Variants in DIP2B observed in about 807,000 individuals in gnomAD.
DIP2B encodes the protein DIP2 acetate--CoA ligase B (putative).
In DIP2B, 76 loss-of-function variants were observed where a neutral mutation model predicts 198.0. That is an observed-to-expected ratio of 0.38 (90% CI 0.32 to 0.46). The LOEUF (loss-of-function observed/expected upper bound fraction) is 0.46. Ranked by LOEUF, DIP2B falls within the 20% of genes least tolerant of loss-of-function variation. The pLI is 0.99. For missense variants in DIP2B, 1,559 were observed against 1,978.4 expected (o/e 0.79, Z 4.02); for synonymous variants, 701 against 739.1 (o/e 0.95, Z 0.84).
Position 50,695,892 on chromosome 12 carries a change from A to G in DIP2B, c.1858A>G (p.Met620Val). 1 of 1,614,148 alleles carries G rather than the reference A, an allele frequency of 6.2e-7. No individual in the cohort carries two copies. Among genetic ancestry groups the G allele is most frequent in the Non-Finnish European group, 8.5e-7 (1 of 1,179,968 alleles). ...VKCRDLHWAM[M>V]AHRDQRDVSL... The stretch of plus-strand genomic sequence containing the variant: ...ATGTCGGGACTTGCACTGGGCTATG[A>G]TGGCACATCGGGACCAAAGAGACGT... The change falls in exon 16 of 38, where the codon ATG becomes GTG. Residue 620 changes from methionine (M) to valine (V), a missense_variant. Transcript: ENST00000301180.
At chr12:50,614,586 T>C (rs537397900) in intron 1 of DIP2B, among the ~76,000 whole-genome samples, 1 of 152,338 alleles carries the variant, frequency 6.6e-6, no homozygotes, top group Non-Finnish European at 1.5e-5. Context: ...AACGTTGAGC[T>C]AAAGCAGTCT....
intron 34 of DIP2B, among the ~76,000 whole-genome samples, chr12:50,735,948 T>TA (rs1940131732): frequency 6.6e-6 from 1 of 152,206 alleles, no homozygotes; most frequent in Non-Finnish European, 1.5e-5. Context: ...AATGAGGCTA[T>TA]AAAACGTCAA....
At chr12:50,683,466 G>C (rs1939079126) in intron 10 of DIP2B, among the ~76,000 whole-genome samples, 1 of 152,172 alleles carries the variant, frequency 6.6e-6, no homozygotes, top group Non-Finnish European at 1.5e-5. Context: ...AGTTTGTATA[G>C]TATTGCATAT....
At chr12:50,546,240 T>A (rs1958376651) in intron 1 of DIP2B, among the ~76,000 whole-genome samples, 1 of 152,216 alleles carries the variant, frequency 6.6e-6, no homozygotes, top group Non-Finnish European at 1.5e-5. Flanking sequence ...TAGTATCAAG[T>A]GAGAGGCGGC....
intron 19 of DIP2B, among the ~76,000 whole-genome samples, chr12:50,702,039 G>T (rs1003070353): frequency 1.1e-4 from 16 of 152,064 alleles, no homozygotes; most frequent in African/African-American, 3.6e-4. Context: ...TGAGGTGGGT[G>T]GATCACCTGA....
Position 50,732,461 on chromosome 12 carries a change from C to G in DIP2B, c.3906C>G (p.Phe1302Leu), listed in dbSNP as rs1168213711. 2 of 1,614,122 alleles carry G rather than the reference C, an allele frequency of 1.2e-6. No individual in the cohort carries two copies. Among genetic ancestry groups the G allele is most frequent in the African/African-American group, 1.3e-5 (1 of 74,934 alleles). The change falls in exon 32 of 38, where the codon TTC (phenylalanine) becomes TTG (leucine). Residue 1302 changes from phenylalanine to leucine, a missense_variant. Transcript: ENST00000301180. ...VALQQSFSKL[F>L]KDIGLSPRAV... ...TCCAGCAGTCCTTCTCTAAGCTCTT[C>G]AAAGACATCGGGCTGTCCCCGCGGG...
chr12:50,728,667 G>A lies in DIP2B; in HGVS notation c.3630G>A (p.Trp1210Ter). 6.2e-7 allele frequency: 1 copy of A among 1,613,858 alleles called. No individual in the cohort carries two copies. Among genetic ancestry groups the A allele is most frequent in the Non-Finnish European group, 8.5e-7 (1 of 1,179,940 alleles). ...ACTGTGGACTTGGCTTCGCGCTCTG[G>A]TGTCTCTGCAGGTAGGGATGGAAAA... is the stretch of plus-strand genomic sequence containing the variant. The part of the protein sequence containing the change: ...DPYCGLGFAL[W>*]CLCSVYSGHQ... Residue 1210 changes from tryptophan to a stop codon, truncating the protein, a stop_gained, in exon 30 of 38, where the codon TGG becomes TGA. Transcript: ENST00000301180. LOFTEE classifies it high-confidence loss of function.
chr12:50,612,430 CTT>C (rs34710255), intron 1 of DIP2B, among the ~76,000 whole-genome samples: 56 of 136,748 alleles, frequency 4.1e-4, no homozygotes, highest in Middle Eastern at 3.8e-3. Flanking sequence ...TTCATAATAA[CTT>C]TTTTTTTTTT....
At chr12:50,688,388 A>G (rs1020250316) in intron 12 of DIP2B, among the ~76,000 whole-genome samples, 1 of 152,224 alleles carries the variant, frequency 6.6e-6, no homozygotes, top group African/African-American at 2.4e-5. Context: ...AAGATGGCTC[A>G]TGCCTTTAAT....
intron 34 of DIP2B, 67 bp downstream of exon 34, chr12:50,735,197 A>G: frequency 3.2e-6 from 5 of 1,565,288 alleles, no homozygotes; most frequent in African/African-American, 1.4e-5. Context: ...TAAAGAAACC[A>G]GAAGCCATAT....
At chr12:50,523,485 T>G (rs1054201420) in intron 1 of DIP2B, among the ~76,000 whole-genome samples, 1 of 152,168 alleles carries the variant, frequency 6.6e-6, no homozygotes, top group Non-Finnish European at 1.5e-5. Context: ...ATGAGAAGAC[T>G]GATATATATA....
At chr12:50,679,846 G>A (rs574393215) in intron 8 of DIP2B, 1 of 152,248 alleles carries the variant, frequency 6.6e-6, no homozygotes, top group South Asian at 2.1e-4. Context: ...CAGCAGTATG[G>A]AATGTTTAAT....
chr12:50,727,886 C>T, intron 29 of DIP2B, 74 bp downstream of exon 29: 2 of 1,308,840 alleles, frequency 1.5e-6, no homozygotes, highest in South Asian at 2.4e-5. Context: ...ACTATAGATG[C>T]AGAGGCCAAG....
At chr12:50,565,726 C>G (rs1958558136) in intron 1 of DIP2B, among the ~76,000 whole-genome samples, 1 of 152,118 alleles carries the variant, frequency 6.6e-6, no homozygotes, top group Non-Finnish European at 1.5e-5. Flanking sequence ...TCATTTCACC[C>G]TCAAATTAAT....
chr12:50,626,056 TA>T lies in DIP2B; in HGVS notation c.172+15del, dbSNP rs1277283296. 2.5e-6 allele frequency: 4 copies of T among 1,612,952 alleles called. No individual in the cohort carries two copies. The highest frequency in any genetic ancestry group is 2.5e-6 in the Non-Finnish European group (3 of 1,179,658). ...CAGCCCGCAGACACAAGGTAGGCAA[TA>T]AAAAATGGTTTCAACTTTTTCAGTA... On this transcript the variant is annotated intron_variant, in intron 2 of 37. Transcript: ENST00000301180.
At position 50,671,468 on chromosome 12, in the gene DIP2B, T is replaced by C. The variant is rs1387432234; in HGVS notation, c.640+70T>C. On this transcript the variant is annotated intron_variant, in intron 5 of 37. Coordinates refer to ENST00000301180, the MANE Select transcript of DIP2B (RefSeq NM_173602.3). ...GGCTCCCAGTATCCAGGAAATAGTT[T>C]ATGGTTTGTGTTAGGTTTTTCAGTA... 3.3e-6 allele frequency: 5 copies of C among 1,523,290 alleles called. No individual in the cohort carries two copies. The Admixed American group carries it at 5.3e-5, about 16-fold the overall frequency. 94.4% of individuals were successfully genotyped at this position (1,523,290 alleles called of 1,614,324 possible).
intron 1 of DIP2B, among the ~76,000 whole-genome samples, chr12:50,526,722 T>G (rs1958168851): frequency 1.3e-4 from 1 of 7,554 alleles, no homozygotes; most frequent in Admixed American, 2.4e-3. Flanking sequence ...CTGCAACCTC[T>G]GCCTCCCGGG....
chr12:50,597,128 C>T (rs1455319637), intron 1 of DIP2B, among the ~76,000 whole-genome samples: 2 of 152,154 alleles, frequency 1.3e-5, no homozygotes, highest in Non-Finnish European at 2.9e-5. Flanking sequence ...CCAAGGCACT[C>T]CACTACACAA....
chr12:50,600,130 A>G (rs1167794634), intron 1 of DIP2B, among the ~76,000 whole-genome samples: 4 of 152,258 alleles, frequency 2.6e-5, no homozygotes, highest in Non-Finnish European at 5.9e-5. Context: ...TTACTCATTC[A>G]GAGTAGGAGA....
Sources: allele counts gnomAD v4.1 joint callset (sites outside exome capture counted in the v4.1 genomes callset), GRCh38; gene constraint gnomAD v4.1.1; transcripts MANE v1.5; gene names NCBI Gene and HGNC (gene_info 2026-07-23, HGNC 2026-07-21).